FYB2: variants seen among roughly 807,000 people sequenced by gnomAD.
FYB2 encodes the protein FYN-binding protein 2.
In FYB2, 103 loss-of-function variants were observed where a neutral mutation model predicts 94.1. The observed-to-expected ratio is 1.09, with a 90% CI of 0.93 to 1.29. FYB2 has a LOEUF of 1.29. Ranked by LOEUF, FYB2 falls within the 50% of genes most tolerant of loss-of-function variation. FYB2 has a pLI of 0.00. For synonymous variants in FYB2, 293 were observed against 287.9 expected (o/e 1.02, Z -0.18); for missense variants, 896 against 841.5 (o/e 1.06, Z -0.80).
At chr1:56,774,332 T>C (rs1645826775) in intron 4 of FYB2, among the ~76,000 whole-genome samples, 1 of 152,046 alleles carries the variant, frequency 6.6e-6, no homozygotes, top group Admixed American at 6.6e-5. Flanking sequence ...GAGAATGAAA[T>C]GATATAATTT....
At chr1:56,780,795 A>G (rs578082763) in intron 4 of FYB2, among the ~76,000 whole-genome samples, 3 of 152,334 alleles carry the variant, frequency 2.0e-5, no homozygotes, top group African/African-American at 7.2e-5. Context: ...CTTGTGAAAA[A>G]CAGGCCAATC....
chr1:56,814,328 A>G (rs1004923267), intron 1 of FYB2, among the ~76,000 whole-genome samples: 2 of 152,202 alleles, frequency 1.3e-5, no homozygotes, highest in South Asian at 2.1e-4. Flanking sequence ...AAAATCTGGC[A>G]GTAGACTGAC....
chr1:56,768,372 G>A (rs1645675961), intron 4 of FYB2, among the ~76,000 whole-genome samples: 1 of 152,192 alleles, frequency 6.6e-6, no homozygotes, highest in South Asian at 2.1e-4. Flanking sequence ...GGAGCTATCA[G>A]CATCAAGTCC....
chr1:56,753,071 A>G (rs1215081548), intron 8 of FYB2, among the ~76,000 whole-genome samples: 2 of 152,072 alleles, frequency 1.3e-5, no homozygotes, highest in African/African-American at 4.8e-5. Context: ...CTGGACCTAC[A>G]TGCCAGTTCA....
rs776916660 is a variant in FYB2 at position 56,751,136 on chromosome 1, A to G, written c.1295T>C (p.Met432Thr). 1.6e-5 allele frequency: 26 copies of G among 1,612,662 alleles called. No homozygotes were observed. The highest frequency in any genetic ancestry group is 2.2e-5 in the Non-Finnish European group (26 of 1,179,230). ...CATGGCCTCTTGCTTTCCAGCCAACATGTTCCTTCTACCTGTGTGGACGTT... is the reference window on the plus strand; with the variant it reads ...CATGGCCTCTTGCTTTCCAGCCAACGTGTTCCTTCTACCTGTGTGGACGTT... ...MTNVHTGRRN[M>T]LAGKQEAMID... The change falls in exon 9 of 20, where the codon ATG becomes ACG. Residue 432 changes from methionine (M) to threonine (T), a missense_variant. Physicochemically the swap from Met to Thr is moderately conservative, Grantham distance 81 (BLOSUM62 -1). Transcript: ENST00000343433.
chr1:56,819,686 C>T (rs980040977), upstream of FYB2: 4 of 350,602 alleles, frequency 1.1e-5, no homozygotes, highest in East Asian at 6.1e-5. Flanking sequence ...ATGGCAGGCT[C>T]CTGTTAGTAC....
intron 4 of FYB2, among the ~76,000 whole-genome samples, chr1:56,782,899 C>CATTATAAATTTATAATTTA (rs1646041091): frequency 1.3e-5 from 2 of 152,072 alleles, no homozygotes; most frequent in Non-Finnish European, 2.9e-5. Context: ...ATATTTATAG[C>CATTATAAATTTATAATTTA]TAATGAATAA....
In FYB2 at chr1:56,719,789, G is replaced by A. The variant is rs901759575; in HGVS notation, c.2166-97C>T. 5 of 1,200,504 alleles carry A rather than the reference G, an allele frequency of 4.2e-6. No individual in the cohort carries two copies. In the African/African-American group the frequency reaches 7.7e-5, roughly 19 times the overall value. The allele number at this position is 1,200,504 out of a possible 1,614,324, so 74.4% of individuals were successfully genotyped here. The stretch of plus-strand genomic sequence containing the variant: ...GGGAATTTCTGATCTAGTTTAATAT[G>A]TTTGTGTTCTTTTAAAATGTTTATA... On this transcript the variant is annotated intron_variant, in intron 19 of 19. Coordinates refer to ENST00000343433, the MANE Select transcript of FYB2 (RefSeq NM_001004303.5).
chr1:56,799,124 C>T (rs903524377), intron 1 of FYB2, among the ~76,000 whole-genome samples: 17 of 152,184 alleles, frequency 1.1e-4, no homozygotes, highest in African/African-American at 4.1e-4. Flanking sequence ...ACCAATTAGG[C>T]GATTGTTACT....
At chr1:56,802,828 G>T (rs938026035) in intron 1 of FYB2, among the ~76,000 whole-genome samples, 2 of 152,102 alleles carry the variant, frequency 1.3e-5, no homozygotes, top group Non-Finnish European at 2.9e-5. Context: ...TGTCATGAAG[G>T]CCTTTCTGTC....
rs117252614 is a variant in FYB2, at chr1:56,806,498, C to T, written c.9+12784G>A. On this transcript the variant is annotated intron_variant, in intron 1 of 19. Transcript: ENST00000343433. ...AGAAGGAGAAATAGGGCTAGGGTGG[C>T]CCCTTGAAAGGTCTCACAGGCCACT... is the stretch of plus-strand genomic sequence containing the variant. Among the ~76,000 whole-genome samples, 1,109 of 152,090 alleles carry T rather than the reference C, an allele frequency of 7.3e-3. 55 individuals carry two copies. The East Asian group carries it at 0.12, about 17-fold the overall frequency.
rs1370932805 is a variant in FYB2, at chr1:56,787,109, C to T, written c.953+66G>A. On this transcript the variant is annotated intron_variant, in intron 4 of 19. Coordinates refer to ENST00000343433, the MANE Select transcript of FYB2 (RefSeq NM_001004303.5). Reference sequence around the variant, plus strand: ...TCTTGGTTTGTGCTAATTGCCTGCTCTGGAGCAGTCTAAGTAGCCTCTGTG... The same window carrying T: ...TCTTGGTTTGTGCTAATTGCCTGCTTTGGAGCAGTCTAAGTAGCCTCTGTG... The T allele has an allele frequency of 3.9e-6, 6 of 1,557,928 alleles. No homozygotes were observed. In the East Asian group the frequency reaches 1.3e-4, roughly 35 times the overall value.
Position 56,801,517 on chromosome 1 carries a change from T to A in FYB2, c.10-8714A>T, listed in dbSNP as rs1646519155. ...TAATCCTTCCAACACTTTGGCCTCATTTCTGATGATCTCATCTTTCACCCT... is the reference window on the plus strand; with the variant it reads ...TAATCCTTCCAACACTTTGGCCTCAATTCTGATGATCTCATCTTTCACCCT... On this transcript the variant is annotated intron_variant, in intron 1 of 19. Coordinates refer to ENST00000343433, the MANE Select transcript of FYB2 (RefSeq NM_001004303.5). Among the ~76,000 whole-genome samples the A allele has an allele frequency of 2.0e-5, 3 of 152,326 alleles. No homozygotes were observed. The South Asian group carries it at 6.2e-4, about 32-fold the overall frequency.
At chr1:56,753,189 T>A (rs1449034098) in intron 8 of FYB2, among the ~76,000 whole-genome samples, 2 of 151,976 alleles carry the variant, frequency 1.3e-5, no homozygotes, top group African/African-American at 4.8e-5. Context: ...CTAATGTGAG[T>A]ACTGGCAATA....
intron 1 of FYB2, among the ~76,000 whole-genome samples, chr1:56,803,125 T>G (rs1374521499): frequency 2.6e-5 from 4 of 152,182 alleles, no homozygotes; most frequent in Non-Finnish European, 5.9e-5. Flanking sequence ...AATTCAAATT[T>G]TTTCCAGTTT....
rs376764813 is a variant in FYB2 at position 56,789,054 on chromosome 1, G to T, written c.838C>A (p.Pro280Thr). The change falls in exon 3 of 20, where the codon CCA becomes ACA. Residue 280 changes from proline to threonine, a missense_variant. Pro to Thr is a conservative substitution (Grantham distance 38). Coordinates refer to ENST00000343433, the MANE Select transcript of FYB2 (RefSeq NM_001004303.5). ...ACGATGGGAGGTCTTGAAGGCTTTGGGGGAGGAGGACCCAGGGAGTCGATG... is the reference window on the plus strand; with the variant it reads ...ACGATGGGAGGTCTTGAAGGCTTTGTGGGAGGAGGACCCAGGGAGTCGATG... ...PSIDSLGPPP[P>T]KPSRPPIVNL... The T allele has an allele frequency of 8.7e-6, 14 of 1,614,034 alleles. No homozygotes were observed. The South Asian group carries it at 1.1e-4, about 13-fold the overall frequency.
At chr1:56,784,837 A>G (rs1028049210) in intron 4 of FYB2, among the ~76,000 whole-genome samples, 3 of 152,112 alleles carry the variant, frequency 2.0e-5, no homozygotes, top group Non-Finnish European at 2.9e-5. Flanking sequence ...ATATCAGGGA[A>G]CAATACCCTG....
intron 9 of FYB2, among the ~76,000 whole-genome samples, chr1:56,745,487 A>T (rs1272744313): frequency 6.6e-6 from 1 of 151,836 alleles, no homozygotes; most frequent in South Asian, 2.1e-4. Flanking sequence ...TCCTCGATTC[A>T]TTTCTCTCTC....
Position 56,719,565 on chromosome 1 carries a change from AC to A in FYB2, c.*105del. The A allele has an allele frequency of 1.0e-6, 1 of 960,126 alleles. No homozygotes were observed. The highest frequency in any genetic ancestry group is 1.5e-6 in the Non-Finnish European group (1 of 653,322). The allele number at this position is 960,126 out of a possible 1,614,324, so 59.5% of individuals were successfully genotyped here. On this transcript the variant is annotated 3_prime_UTR_variant, in exon 20 of 20. Coordinates refer to ENST00000343433, the MANE Select transcript of FYB2 (RefSeq NM_001004303.5). ...CAGAACGAAAGTTTCCACAGATTCC[AC>A]CATCTCAAAATTTTGACATGTAAAC...
Sources: gnomAD v4.1 joint callset for allele counts (sites outside exome capture counted in the v4.1 genomes callset) on GRCh38, gnomAD v4.1.1 for gene constraint, MANE v1.5 for transcripts, NCBI Gene and HGNC (gene_info 2026-07-23, HGNC 2026-07-21) for gene names.